Variants in ARHGEF28 observed in about 807,000 individuals in gnomAD.
ARHGEF28 encodes the protein Rho guanine nucleotide exchange factor 28.
ARHGEF28 carries 152 observed loss-of-function variants against 206.6 expected under a neutral mutation model. The observed-to-expected ratio is 0.74, with a 90% confidence interval of 0.64 to 0.84. The LOEUF (loss-of-function observed/expected upper bound fraction) is 0.84. Among genes scored for constraint, ARHGEF28 ranks in the 40% least tolerant of loss-of-function variants. ARHGEF28 has a pLI of 0.00. For missense variants in ARHGEF28, 2,028 were observed against 2,073.2 expected (o/e 0.98, Z 0.42); for synonymous variants, 763 against 776.4 (o/e 0.98, Z 0.29).
intron 35 of ARHGEF28, among the ~76,000 whole-genome samples, chr5:73,927,267 C>T (rs1763871940): frequency 6.6e-6 from 1 of 152,002 alleles, no homozygotes; most frequent in African/African-American, 2.4e-5. Context: ...GTCTTAGCTA[C>T]TTGGGGGGCT....
chr5:73,752,815 C>G, intron 3 of ARHGEF28, 94 bp from the exon 4 acceptor site: 1 of 1,411,786 alleles, frequency 7.1e-7, no homozygotes, highest in South Asian at 1.3e-5. Context: ...AGCGTGTTGT[C>G]TGCTTAAGCT....
chr5:73,894,580 A>G lies in ARHGEF28; in HGVS notation c.3841+5A>G. 6.2e-7 allele frequency: 1 copy of G among 1,613,124 alleles called. No homozygotes were observed. Among genetic ancestry groups the G allele is most frequent in the Non-Finnish European group, 8.5e-7 (1 of 1,179,624 alleles). On this transcript the variant is annotated splice_donor_5th_base_variant and intron_variant, in intron 29 of 35. Transcript: ENST00000513042. ...TGGCAGCAGCACTGAAAGAAGGTAA[A>G]CTGCTGTGAGAAGGGTTTGGGTCGA...
At chr5:73,789,408 G>T (rs1373171680) in intron 7 of ARHGEF28, among the ~76,000 whole-genome samples, 1 of 152,176 alleles carries the variant, frequency 6.6e-6, no homozygotes, top group Non-Finnish European at 1.5e-5. Context: ...GGATGGTGAG[G>T]TGGTTGGGGA....
chr5:73,860,858 CAGCCTCAGTTT>C (rs1759354878), intron 16 of ARHGEF28, among the ~76,000 whole-genome samples: 1 of 152,206 alleles, frequency 6.6e-6, no homozygotes, highest in Non-Finnish European at 1.5e-5. Context: ...GGCCCCCCTT[CAGCCTCAGTTT>C]ACAGTCTGAG....
At chr5:73,663,176 G>A (rs7725635) in intron 1 of ARHGEF28, among the ~76,000 whole-genome samples, 1,706 of 152,176 alleles carry the variant, frequency 0.011, 25 homozygotes, top group African/African-American at 0.039. Context: ...GGCTGGTCTC[G>A]AACTCCTGAT....
intron 4 of ARHGEF28, among the ~76,000 whole-genome samples, chr5:73,759,220 A>G (rs914557980): frequency 6.6e-5 from 10 of 152,226 alleles, no homozygotes; most frequent in African/African-American, 2.4e-4. Flanking sequence ...AATAACACCA[A>G]TAGAGTTATA....
intron 35 of ARHGEF28, among the ~76,000 whole-genome samples, chr5:73,931,058 T>A (rs975593150): frequency 6.6e-6 from 1 of 152,224 alleles, no homozygotes; most frequent in Admixed American, 6.5e-5. Context: ...TTTTCCAGAT[T>A]AGCTGAAATG....
intron 1 of ARHGEF28, among the ~76,000 whole-genome samples, chr5:73,634,897 G>C (rs1743601102): frequency 1.3e-5 from 2 of 152,056 alleles, no homozygotes; most frequent in Non-Finnish European, 2.9e-5. Flanking sequence ...TTGACATTCT[G>C]GTTTTAAAAA....
intron 2 of ARHGEF28, among the ~76,000 whole-genome samples, chr5:73,712,498 A>G (rs751778428): frequency 1.3e-5 from 2 of 152,138 alleles, no homozygotes; most frequent in Non-Finnish European, 2.9e-5. Flanking sequence ...GTGGCTTGGT[A>G]CCTACAGTGC....
At chr5:73,850,667 A>G (rs1209001107) in intron 13 of ARHGEF28, among the ~76,000 whole-genome samples, 1 of 152,174 alleles carries the variant, frequency 6.6e-6, no homozygotes, top group Non-Finnish European at 1.5e-5. Context: ...ATTATTGACC[A>G]CACAATTAAG....
At chr5:73,831,986 C>T (rs545504207) in intron 9 of ARHGEF28, among the ~76,000 whole-genome samples, 3 of 152,196 alleles carry the variant, frequency 2.0e-5, no homozygotes, top group South Asian at 2.1e-4. Flanking sequence ...ACACCATGTC[C>T]GGCCTGAAGT....
chr5:73,896,229 C>T (rs964618586), intron 29 of ARHGEF28, among the ~76,000 whole-genome samples: 5 of 152,122 alleles, frequency 3.3e-5, no homozygotes, highest in African/African-American at 1.2e-4. Context: ...CCAGCTGTCT[C>T]AAAAGCTTGG....
intron 7 of ARHGEF28, among the ~76,000 whole-genome samples, chr5:73,789,357 A>G (rs1754331312): frequency 6.6e-6 from 1 of 152,192 alleles, no homozygotes; most frequent in Non-Finnish European, 1.5e-5. Flanking sequence ...GTTGAGACTG[A>G]AAATAGATTA....
chr5:73,704,855 G>GGT (rs1463009434), intron 2 of ARHGEF28, among the ~76,000 whole-genome samples: 3 of 152,156 alleles, frequency 2.0e-5, no homozygotes, highest in Non-Finnish European at 4.4e-5. Context: ...TGGCCACCAC[G>GGT]GTGTCATCAC....
intron 1 of ARHGEF28, among the ~76,000 whole-genome samples, chr5:73,641,631 TG>T (rs1744112414): frequency 6.6e-6 from 1 of 152,144 alleles, no homozygotes; most frequent in Non-Finnish European, 1.5e-5. Flanking sequence ...TGGGGATGAG[TG>T]GTATTCCTAC....
At chr5:73,664,407 T>C (rs1262461251) in intron 1 of ARHGEF28, among the ~76,000 whole-genome samples, 1 of 152,218 alleles carries the variant, frequency 6.6e-6, no homozygotes, top group Admixed American at 6.5e-5. Context: ...ATTCGAATCT[T>C]GTCTAGGTTT....
intron 35 of ARHGEF28, among the ~76,000 whole-genome samples, chr5:73,926,659 C>T (rs1204119858): frequency 6.6e-6 from 1 of 152,196 alleles, no homozygotes; most frequent in Non-Finnish European, 1.5e-5. Flanking sequence ...ACACCCTGGG[C>T]AGCTTTCAAG....
In ARHGEF28 at chr5:73,894,607, A is replaced by G. The variant is rs1430138121; in HGVS notation, c.3841+32A>G. Reference sequence around the variant, plus strand: ...TGCTGTGAGAAGGGTTTGGGTCGACACGTTCAGAAAATGTTTATTGAACAC... The same window carrying G: ...TGCTGTGAGAAGGGTTTGGGTCGACGCGTTCAGAAAATGTTTATTGAACAC... On this transcript the variant is annotated intron_variant, in intron 29 of 35. Coordinates refer to ENST00000513042, the MANE Select transcript of ARHGEF28 (RefSeq NM_001177693.2). The G allele has an allele frequency of 1.9e-6, 3 of 1,603,458 alleles. No homozygotes were observed. In the Admixed American group the frequency reaches 5.1e-5, roughly 27 times the overall value.
intron 2 of ARHGEF28, among the ~76,000 whole-genome samples, chr5:73,745,477 C>G (rs1477142338): frequency 1.3e-5 from 2 of 152,050 alleles, no homozygotes; most frequent in Non-Finnish European, 2.9e-5. Flanking sequence ...GATGTCACAG[C>G]ATTTCAGCAG....
Sources: gnomAD v4.1 joint callset for allele counts (sites outside exome capture counted in the v4.1 genomes callset) on GRCh38, gnomAD v4.1.1 for gene constraint, MANE v1.5 for transcripts, NCBI Gene and HGNC (gene_info 2026-07-23, HGNC 2026-07-21) for gene names.